Variants in MAPK8 observed in about 807,000 individuals in gnomAD.
The protein encoded by MAPK8 is JUN N-terminal kinase.
In MAPK8, 13 loss-of-function variants were observed where a neutral mutation model predicts 52.9. The observed-to-expected ratio is 0.25, with a 90% CI of 0.16 to 0.39. The LOEUF (loss-of-function observed/expected upper bound fraction) is 0.39. Among genes scored for constraint, MAPK8 ranks in the 10% least tolerant of loss-of-function variants. MAPK8 has a pLI of 1.00. For missense variants in MAPK8, 300 were observed against 519.2 expected, an observed-to-expected ratio of 0.58 and a Z score of 4.10; for synonymous variants, 191 against 169.8, an observed-to-expected ratio of 1.12 and a Z score of -0.97.
At chr10:48,337,585 A>G (rs182725386) in intron 1 of MAPK8, among the ~76,000 whole-genome samples, 7 of 152,270 alleles carry the variant, frequency 4.6e-5, no homozygotes, top group African/African-American at 1.7e-4. Context: ...AGCAGAACAA[A>G]AGAAATAACA....
chr10:48,401,726 C>T lies in MAPK8; in HGVS notation c.66C>T (p.Val22=). The change falls in exon 2 of 12, where the codon GTC becomes GTT. Residue 22 remains valine (V), a synonymous_variant. Coordinates refer to ENST00000374189, the MANE Select transcript of MAPK8 (RefSeq NM_001323329.2). ...SVEIGDSTFT[V]LKRYQNLKPI... ...AGATTGGAGATTCTACATTCACAGT[C>T]CTGAAACGATATCAGAATTTAAAAC... The T allele has an allele frequency of 6.3e-7, 1 of 1,586,696 alleles. No individual in the cohort carries two copies.
chr10:48,352,058 C>G (rs1307863994), intron 1 of MAPK8, among the ~76,000 whole-genome samples: 2 of 152,078 alleles, frequency 1.3e-5, no homozygotes. Flanking sequence ...ATGAAATAAA[C>G]TAAGTTTTCA....
intron 1 of MAPK8, among the ~76,000 whole-genome samples, chr10:48,394,559 T>A (rs2041795162): frequency 6.6e-6 from 1 of 151,850 alleles, no homozygotes; most frequent in African/African-American, 2.4e-5. Flanking sequence ...ATAAAAACTC[T>A]CAAACTAGGA....
chr10:48,400,363 T>G (rs955092983), intron 1 of MAPK8, among the ~76,000 whole-genome samples: 1 of 152,230 alleles, frequency 6.6e-6, no homozygotes, highest in African/African-American at 2.4e-5. Context: ...CTTACATAGT[T>G]TGGAGTTTCC....
intron 1 of MAPK8, among the ~76,000 whole-genome samples, chr10:48,332,026 A>G (rs1013883205): frequency 3.9e-5 from 6 of 152,196 alleles, no homozygotes; most frequent in Non-Finnish European, 8.8e-5. Flanking sequence ...TAAACCTTCC[A>G]TAATTCCCCT....
At chr10:48,338,869 AT>A (rs1177229779) in intron 1 of MAPK8, among the ~76,000 whole-genome samples, 3 of 151,900 alleles carry the variant, frequency 2.0e-5, no homozygotes, top group African/African-American at 7.2e-5. Context: ...CTAGAATTAC[AT>A]TTAACCAAGG....
chr10:48,404,029 C>T (rs1000509473), intron 2 of MAPK8, among the ~76,000 whole-genome samples: 2 of 151,628 alleles, frequency 1.3e-5, no homozygotes, highest in Admixed American at 6.6e-5. Flanking sequence ...GTGATCTACC[C>T]GCCTCGGCCT....
chr10:48,422,518 C>T (rs2043426730), intron 6 of MAPK8, among the ~76,000 whole-genome samples: 1 of 152,196 alleles, frequency 6.6e-6, no homozygotes, highest in Non-Finnish European at 1.5e-5. Context: ...AATATCTTCT[C>T]TCATGCTTGC....
intron 11 of MAPK8, among the ~76,000 whole-genome samples, chr10:48,434,138 C>T (rs2044624194): frequency 6.6e-6 from 1 of 152,126 alleles, no homozygotes; most frequent in Non-Finnish European, 1.5e-5. Context: ...CCAGGAAATG[C>T]TTGTTAGGTA....
intron 1 of MAPK8, among the ~76,000 whole-genome samples, chr10:48,395,651 G>A (rs906140672): frequency 1.3e-5 from 2 of 151,938 alleles, no homozygotes; most frequent in Admixed American, 6.5e-5. Flanking sequence ...ATTCTAAAAT[G>A]TATATAGAAT....
rs142347990 is a variant in MAPK8, at chr10:48,403,876, G to A, written c.123-976G>A. ...CCATTCTCCCGCCTCAGCCTCCGGAGTAGCTGGGGCTACAGGTGCCTGCCA... is the reference window on the plus strand; with the variant it reads ...CCATTCTCCCGCCTCAGCCTCCGGAATAGCTGGGGCTACAGGTGCCTGCCA... On this transcript the variant is annotated intron_variant, in intron 2 of 11. Transcript: ENST00000374189. 3.0e-3 allele frequency among the ~76,000 whole-genome samples: 449 copies of A among 151,626 alleles called. 1 individual carries two copies. Among genetic ancestry groups the A allele is most frequent in the African/African-American group, 9.9e-3 (408 of 41,214 alleles).
intron 1 of MAPK8, among the ~76,000 whole-genome samples, chr10:48,328,772 G>T (rs1356682390): frequency 6.6e-6 from 1 of 152,178 alleles, no homozygotes; most frequent in Non-Finnish European, 1.5e-5. Flanking sequence ...TAAGCAAAAA[G>T]ACACTTTAAC....
intron 1 of MAPK8, among the ~76,000 whole-genome samples, chr10:48,377,498 CTG>C (rs1461535577): frequency 1.8e-4 from 27 of 152,266 alleles, no homozygotes; most frequent in Admixed American, 9.2e-4. Flanking sequence ...TAAGATGTGA[CTG>C]TGGTGTGTGA....
At position 48,438,181 on chromosome 10, in the gene MAPK8, A is replaced by G. The variant is rs2045009283; in HGVS notation, c.*3152A>G. 6.6e-6 allele frequency: 1 copy of G among 152,246 alleles called. No homozygotes were observed. Among genetic ancestry groups the G allele is most frequent in the South Asian group, 2.1e-4 (1 of 4,836 alleles). 9.4% of individuals were successfully genotyped at this position (152,246 alleles called of 1,614,324 possible). ...CTATAGAGTGGATGCATGAAGCCCCATGACACCAGTAAACTTCTCTTACCA... is the reference window on the plus strand; with the variant it reads ...CTATAGAGTGGATGCATGAAGCCCCGTGACACCAGTAAACTTCTCTTACCA... On this transcript the variant is annotated 3_prime_UTR_variant, in exon 12 of 12. Coordinates refer to ENST00000374189, the MANE Select transcript of MAPK8 (RefSeq NM_001323329.2).
intron 5 of MAPK8, among the ~76,000 whole-genome samples, chr10:48,413,842 T>C: frequency 8.8e-6 from 1 of 114,212 alleles, no homozygotes; most frequent in Non-Finnish European, 1.8e-5. Context: ...TATATATATA[T>C]ATATATATAT....
At chr10:48,390,537 A>G (rs774124038) in intron 1 of MAPK8, among the ~76,000 whole-genome samples, 13 of 152,196 alleles carry the variant, frequency 8.5e-5, no homozygotes, top group Non-Finnish European at 1.6e-4. Context: ...CAGGGTCTCT[A>G]AAGTCTGGCT....
intron 1 of MAPK8, among the ~76,000 whole-genome samples, chr10:48,346,432 C>T (rs1217044829): frequency 1.3e-5 from 2 of 152,240 alleles, no homozygotes; most frequent in Non-Finnish European, 2.9e-5. Context: ...CCAGAGGGCT[C>T]CTTGGTCTGG....
At chr10:48,369,971 G>T (rs1040119506) in intron 1 of MAPK8, among the ~76,000 whole-genome samples, 1 of 152,152 alleles carries the variant, frequency 6.6e-6, no homozygotes, top group African/African-American at 2.4e-5. Context: ...AACAGTGCTT[G>T]AGCTATAAGG....
rs2041645030 is a variant in MAPK8, at chr10:48,391,906, T to G, written c.-49-9706T>G. Among the ~76,000 whole-genome samples, 3 of 152,110 alleles carry G rather than the reference T, an allele frequency of 2.0e-5. No individual in the cohort carries two copies. In the South Asian group the frequency reaches 6.2e-4, roughly 32 times the overall value. On this transcript the variant is annotated intron_variant, in intron 1 of 11. Transcript: ENST00000374189. ...AGGATATTACAAAGGATGCAGATAA[T>G]GAGATGCATAGGGTAAGGTATGGGG...
Sources: gnomAD v4.1 joint callset for allele counts (sites outside exome capture counted in the v4.1 genomes callset) on GRCh38, gnomAD v4.1.1 for gene constraint, MANE v1.5 for transcripts, NCBI Gene and HGNC (gene_info 2026-07-23, HGNC 2026-07-21) for gene names.